The following EIF3B variants were observed in gnomAD, a reference collection of about 807,000 sequenced individuals.
EIF3B encodes eukaryotic translation initiation factor 3 subunit 9.
EIF3B carries 10 observed loss-of-function variants against 104.6 expected under a neutral mutation model. The observed-to-expected ratio is 0.10, with a 90% CI of 0.06 to 0.16. The LOEUF is 0.16. EIF3B is among the 10% of genes least tolerant of loss of function. The probability of loss-of-function intolerance (pLI) is 1.00; values close to 1 mark genes in which losing one functional copy is unlikely to be tolerated. For synonymous variants in EIF3B, 542 were observed against 417.2 expected (o/e 1.30, Z -3.65); for missense variants, 1,014 against 1,087.9 (o/e 0.93, Z 0.96).
At chr7:2,357,909 C>G (rs957358886) in intron 1 of EIF3B, among the ~76,000 whole-genome samples, 2 of 152,120 alleles carry the variant, frequency 1.3e-5, no homozygotes, top group African/African-American at 2.4e-5. Flanking sequence ...TCAGGCTTGT[C>G]AGGCTATTTA....
In EIF3B at chr7:2,355,064, C is replaced by T. The variant is rs1779318006; in HGVS notation, c.143C>T (p.Thr48Ile). The T allele has an allele frequency of 8.0e-7, 1 of 1,243,936 alleles. No individual in the cohort carries two copies. The allele number at this position is 1,243,936 out of a possible 1,614,324, so 77.1% of individuals were successfully genotyped here. A position where few individuals can be genotyped will look rare whatever the true frequency, so the allele number is the denominator to read the frequency against. The part of the protein sequence containing the change: ...AGPGAPEAAG[T>I]EASSEEVGIA... ...CCCGGCGCTCCGGAGGCCGCGGGGACCGAGGCCTCCAGTGAGGAGGTGGGG... is the reference window on the plus strand; with the variant it reads ...CCCGGCGCTCCGGAGGCCGCGGGGATCGAGGCCTCCAGTGAGGAGGTGGGG... The change falls in exon 1 of 19, where the codon ACC becomes ATC. Residue 48 changes from threonine (T) to isoleucine (I), a missense_variant. By Grantham distance (89) the Thr-to-Ile change is moderately conservative. Transcript: ENST00000360876.
chr7:2,380,272 G>A lies in EIF3B; in HGVS notation c.*83G>A, dbSNP rs1309735320. 1 of 501,650 alleles carries A rather than the reference G, an allele frequency of 2.0e-6. No individual in the cohort carries two copies. The highest frequency in any genetic ancestry group is 1.9e-5 in the African/African-American group (1 of 51,398). The allele number at this position is 501,650 out of a possible 1,614,324, so 31.1% of individuals were successfully genotyped here. ...CCCGAGTGTGAGCCGCGGTTCCTCTGTTGCAGCGCAGCCGTGTGTGCTGTG... is the reference window on the plus strand; with the variant it reads ...CCCGAGTGTGAGCCGCGGTTCCTCTATTGCAGCGCAGCCGTGTGTGCTGTG... On this transcript the variant is annotated 3_prime_UTR_variant, in exon 19 of 19. Transcript: ENST00000360876.
At chr7:2,368,560 G>A (rs976465951) in intron 9 of EIF3B, among the ~76,000 whole-genome samples, 3 of 152,192 alleles carry the variant, frequency 2.0e-5, no homozygotes, top group Non-Finnish European at 4.4e-5. Context: ...ACCCCTTCCC[G>A]TGCCTAGAAA....
chr7:2,361,476 G>A (rs1428318280), intron 2 of EIF3B, among the ~76,000 whole-genome samples: 1 of 152,094 alleles, frequency 6.6e-6, no homozygotes, highest in Non-Finnish European at 1.5e-5. Flanking sequence ...CTGGAGTGCA[G>A]TGTCGCAATC....
chr7:2,379,319 G>C (rs888929012), intron 17 of EIF3B, 75 bp from the exon 18 acceptor site: 2 of 1,555,150 alleles, frequency 1.3e-6, no homozygotes, highest in African/African-American at 2.7e-5. Flanking sequence ...GGACTCCTGC[G>C]TTCCTTCCCA....
At chr7:2,371,571 G>A (rs1271739287) in intron 10 of EIF3B, among the ~76,000 whole-genome samples, 1 of 152,168 alleles carries the variant, frequency 6.6e-6, no homozygotes, top group African/African-American at 2.4e-5. Context: ...CATGTCCAGT[G>A]GCTTCCAGTA....
Position 2,377,054 on chromosome 7 carries a change from C to G in EIF3B, c.2133C>G (p.Leu711=), listed in dbSNP as rs145251998. 3.1e-6 allele frequency: 5 copies of G among 1,613,406 alleles called. No homozygotes were observed. The African/African-American group carries it at 5.3e-5, about 17-fold the overall frequency. Residue 711 remains leucine, a synonymous_variant, in exon 15 of 19, where the codon CTC becomes CTG. Transcript: ENST00000360876. The part of the protein sequence containing the change: ...QLLWRPRPPT[L]LSQEQIKQIK... ...TGTGGCGGCCCCGGCCTCCCACACT[C>G]CTGAGCCAGGAACAGATCAAGGTCA...
Position 2,355,342 on chromosome 7 carries a change from C to A in EIF3B, c.421C>A (p.Arg141=). The A allele has an allele frequency of 6.5e-7, 1 of 1,540,950 alleles. No individual in the cohort carries two copies. The highest frequency in any genetic ancestry group is 2.4e-5 in the East Asian group (1 of 41,384). The change falls in exon 1 of 19, where the codon CGG becomes AGG. Residue 141 remains arginine (R), a synonymous_variant. Coordinates refer to ENST00000360876, the MANE Select transcript of EIF3B (RefSeq NM_001037283.2). ...NEGRAAEAEP[R]ALENGDADEP... Reference sequence around the variant, plus strand: ...GGGCAGAGCGGCCGAGGCCGAACCCCGGGCGCTGGAGAACGGCGACGCGGA... The same window carrying A: ...GGGCAGAGCGGCCGAGGCCGAACCCAGGGCGCTGGAGAACGGCGACGCGGA...
At chr7:2,364,333 A>G (rs369812494) in intron 5 of EIF3B, 39 bp from the exon 6 acceptor site, 111 of 1,537,576 alleles carry the variant, frequency 7.2e-5, no homozygotes, top group Middle Eastern at 1.7e-4. Context: ...TGTGTTTGCC[A>G]TTTTGTTGTA....
intron 2 of EIF3B, among the ~76,000 whole-genome samples, chr7:2,361,112 T>A (rs1348716385): frequency 6.6e-6 from 1 of 152,148 alleles, no homozygotes; most frequent in Non-Finnish European, 1.5e-5. Flanking sequence ...TTAAAGTTTT[T>A]AAAATTATCT....
intron 2 of EIF3B, among the ~76,000 whole-genome samples, chr7:2,361,428 T>C (rs571388284): frequency 6.6e-6 from 1 of 152,296 alleles, no homozygotes; most frequent in South Asian, 2.1e-4. Context: ...TTTCTTTCTT[T>C]CTTTTTTTTG....
At chr7:2,368,675 G>A (rs1284670256) in intron 9 of EIF3B, among the ~76,000 whole-genome samples, 3 of 152,184 alleles carry the variant, frequency 2.0e-5, no homozygotes, top group Non-Finnish European at 2.9e-5. Flanking sequence ...GGAAAAGAGG[G>A]GACTCTGCTT....
chr7:2,355,471 G>A (rs1779362994), intron 1 of EIF3B, 51 bp downstream of exon 1: 5 of 1,400,690 alleles, frequency 3.6e-6, no homozygotes, highest in African/African-American at 1.5e-5. Context: ...CGTGGCTGGG[G>A]TTCCCGAGGT....
Position 2,363,730 on chromosome 7 carries a change from A to T in EIF3B, c.969A>T (p.Val323=). The part of the protein sequence containing the change: ...GDRTSIFWND[V]KDPVSIEERA... ...GCACTTCCATATTCTGGAATGACGTAAAAGACCCTGTCTCAATTGAAGAAA... is the reference window on the plus strand; with the variant it reads ...GCACTTCCATATTCTGGAATGACGTTAAAGACCCTGTCTCAATTGAAGAAA... The change falls in exon 5 of 19, where the codon GTA becomes GTT. Residue 323 remains valine, a synonymous_variant. Transcript: ENST00000360876. 1 of 1,614,102 alleles carries T rather than the reference A, an allele frequency of 6.2e-7. No individual in the cohort carries two copies. The highest frequency in any genetic ancestry group is 8.5e-7 in the Non-Finnish European group (1 of 1,179,994).
chr7:2,369,738 A>G (rs1178389014), intron 10 of EIF3B, 56 bp downstream of exon 10: 14 of 1,243,040 alleles, frequency 1.1e-5, no homozygotes, highest in South Asian at 3.7e-5. Flanking sequence ...TGAAGTGGCC[A>G]CCGTATTGTT....
Position 2,379,529 on chromosome 7 carries a change from G to C in EIF3B, c.*14+18G>C, listed in dbSNP as rs755907098. On this transcript the variant is annotated intron_variant, in intron 18 of 18. Coordinates refer to ENST00000360876, the MANE Select transcript of EIF3B (RefSeq NM_001037283.2). ...GCACTGTGGTGAGCGTCTGCAGGGG[G>C]CGCGATGGGGGTCCTGTTGGCTGCT... 2.7e-6 allele frequency: 4 copies of C among 1,479,646 alleles called. No homozygotes were observed. In the South Asian group the frequency reaches 3.6e-5, roughly 13 times the overall value. 91.7% of individuals were successfully genotyped at this position (1,479,646 alleles called of 1,614,324 possible). A position where few individuals can be genotyped will look rare whatever the true frequency, so the allele number is the denominator to read the frequency against.
Position 2,369,678 on chromosome 7 carries a change from C to G in EIF3B, c.1610C>G (p.Thr537Ser). Residue 537 changes from threonine to serine, a missense_variant, in exon 10 of 19, where the codon ACC becomes AGC. Thr to Ser is a moderately conservative substitution (Grantham distance 58, BLOSUM62 1). This residue lies in a region of EIF3B where 59 missense variants were observed against 118.8 expected (regional missense o/e 0.50). Coordinates refer to ENST00000360876, the MANE Select transcript of EIF3B (RefSeq NM_001037283.2). ...AAAGTAGATAGGACTCCGAAAGGCA[C>G]CCAGGTATGTAGATTCCCACAGGAA... ...CVKVDRTPKG[T>S]QGVVTNFEIF... is the part of the protein sequence containing the mutation. 8 of 1,613,404 alleles carry G rather than the reference C, an allele frequency of 5.0e-6. No homozygotes were observed. Among genetic ancestry groups the G allele is most frequent in the Non-Finnish European group, 6.8e-6 (8 of 1,179,846 alleles).
At chr7:2,366,070 C>G (rs1478617134) in intron 6 of EIF3B, among the ~76,000 whole-genome samples, 2 of 152,156 alleles carry the variant, frequency 1.3e-5, no homozygotes, top group Non-Finnish European at 2.9e-5. Flanking sequence ...ACTTAGCAGC[C>G]TTGTGTGGGA....
chr7:2,373,650 G>A (rs975376963), intron 12 of EIF3B: 3 of 152,224 alleles, frequency 2.0e-5, no homozygotes, highest in African/African-American at 7.2e-5. Context: ...CATTAATTCT[G>A]GTTGATAGAA....
Sources: allele counts gnomAD v4.1 joint callset (sites outside exome capture counted in the v4.1 genomes callset), GRCh38; gene constraint gnomAD v4.1.1; regional missense constraint gnomAD v4.1.1; transcripts MANE v1.5; gene names NCBI Gene and HGNC (gene_info 2026-07-23, HGNC 2026-07-21).